ZNF584: variants seen among roughly 807,000 people sequenced by gnomAD.
ZNF584 encodes zinc finger protein 584.
A neutral mutation model predicts 14.7 loss-of-function variants in ZNF584; 12 were observed. That is an observed-to-expected ratio of 0.82 (90% CI 0.52 to 1.32). The LOEUF is 1.32. ZNF584 is among the 40% of genes most tolerant of loss of function. The pLI, the probability that ZNF584 is intolerant of heterozygous loss-of-function variation, is 0.00. For missense variants in ZNF584, 478 were observed against 518.8 expected (o/e 0.92, Z 0.76); for synonymous variants, 204 against 190.9 (o/e 1.07, Z -0.57).
Position 58,415,635 on chromosome 19 carries a change from G to A in ZNF584, c.281G>A (p.Gly94Asp), listed in dbSNP as rs747785210. 2.5e-6 allele frequency: 4 copies of A among 1,613,884 alleles called. No individual in the cohort carries two copies. The highest frequency in any genetic ancestry group is 2.7e-5 in the African/African-American group (2 of 74,940). The change falls in exon 3 of 4, where the codon GGT (glycine) becomes GAT (aspartate). Residue 94 changes from glycine to aspartate, a missense_variant. Physicochemically the swap from Gly to Asp is moderately conservative, Grantham distance 94 (BLOSUM62 -1). Coordinates refer to ENST00000306910, the MANE Select transcript of ZNF584 (RefSeq NM_173548.3). The part of the protein sequence containing the change: ...TPVSRAEARR[G>D]FGLDGLCRVE... ...GTCAGCAGAGCAGAAGCCAGGAGAG[G>A]TTTTGGTCTTGGTAAGTGGAGTGGA...
chr19:58,416,173 C>A, intron 3 of ZNF584: 1 of 465,332 alleles, frequency 2.1e-6, no homozygotes, highest in Non-Finnish European at 3.9e-6. Flanking sequence ...AGTCTGTAGT[C>A]TGGTGGAGCC....
upstream of ZNF584, chr19:58,405,262 G>T (rs1456669753): frequency 9.6e-6 from 1 of 103,810 alleles, no homozygotes; most frequent in East Asian, 2.6e-4. Flanking sequence ...CTGGCCGGGC[G>T]GGGGGCTGAC....
intron 2 of ZNF584, among the ~76,000 whole-genome samples, chr19:58,412,766 C>T (rs1053085199): frequency 3.3e-5 from 5 of 152,094 alleles, no homozygotes; most frequent in Admixed American, 6.6e-5. Flanking sequence ...CCTTTGAAGC[C>T]ATCAGGGCTT....
Position 58,409,020 on chromosome 19 carries a change from C to T in ZNF584, c.-128C>T. 4 of 1,228,956 alleles carry T rather than the reference C, an allele frequency of 3.3e-6. No individual in the cohort carries two copies. Among genetic ancestry groups the T allele is most frequent in the Admixed American group, 3.2e-5 (1 of 31,298 alleles). 76.1% of individuals were successfully genotyped at this position (1,228,956 alleles called of 1,614,324 possible). A position where few individuals can be genotyped will look rare whatever the true frequency, so the allele number is the denominator to read the frequency against. ...GCTCCGGGAAGCGGTTCCCTGTCTT[C>T]GGACGCATTTCACCCGCGCGGGGAG... On this transcript the variant is annotated 5_prime_UTR_variant, in exon 1 of 4. Transcript: ENST00000306910.
In ZNF584 at chr19:58,417,257, T is replaced by C; in HGVS notation, c.739T>C (p.Cys247Arg). 6 of 1,614,146 alleles carry C rather than the reference T, an allele frequency of 3.7e-6. No individual in the cohort carries two copies. The highest frequency in any genetic ancestry group is 5.1e-6 in the Non-Finnish European group (6 of 1,180,032). ...TGIKPFKCSD[C>R]GKTFNRKDAL... ...CATAAAACCTTTTAAGTGTAGTGACTGTGGTAAAACCTTCAACCGCAAAGA... is the reference window on the plus strand; with the variant it reads ...CATAAAACCTTTTAAGTGTAGTGACCGTGGTAAAACCTTCAACCGCAAAGA... Residue 247 changes from cysteine (C) to arginine (R), a missense_variant, in exon 4 of 4, where the codon TGT (cysteine) becomes CGT (arginine). Cys to Arg is a radical substitution (Grantham distance 180). Transcript: ENST00000306910.
intron 2 of ZNF584, among the ~76,000 whole-genome samples, chr19:58,410,948 T>C (rs2052563020): frequency 6.7e-6 from 1 of 150,190 alleles, no homozygotes. Context: ...CGCGCCACCA[T>C]GCCTGGCTAA....
chr19:58,410,151 G>T (rs111924630), intron 2 of ZNF584, 60 bp downstream of exon 2: 1 of 1,541,908 alleles, frequency 6.5e-7, no homozygotes, highest in African/African-American at 1.4e-5. Flanking sequence ...CCCATGCGAA[G>T]TTCTGTCCAT....
intron 2 of ZNF584, among the ~76,000 whole-genome samples, chr19:58,411,802 C>T (rs1487143509): frequency 1.3e-5 from 2 of 151,030 alleles, no homozygotes; most frequent in Non-Finnish European, 2.9e-5. Flanking sequence ...CACCACCACG[C>T]CCAGCTAATT....
In ZNF584 at chr19:58,410,693, G is replaced by GTA. The variant is rs1200514139; in HGVS notation, c.169+612_169+613dup. Among the ~76,000 whole-genome samples the GTA allele has an allele frequency of 2.4e-4, 10 of 41,890 alleles. 3 individuals carry two copies. The highest frequency in any genetic ancestry group is 1.3e-3 in the East Asian group (3 of 2,380). The allele number at this position is 41,890 out of a possible 152,430, so 27.5% of individuals were successfully genotyped here. A position where few individuals can be genotyped will look rare whatever the true frequency, so the allele number is the denominator to read the frequency against. ...TATATGTGTATATATATGTATATATGTATATATATATGTATATATGTGTAT... is the reference window on the plus strand; with the variant it reads ...TATATGTGTATATATATGTATATATGTATATATATATATGTATATATGTGTAT... On this transcript the variant is annotated intron_variant, in intron 2 of 3. Coordinates refer to ENST00000306910, the MANE Select transcript of ZNF584 (RefSeq NM_173548.3).
Position 58,409,060 on chromosome 19 carries a change from G to T in ZNF584, c.-88G>T. 6.9e-7 allele frequency: 1 copy of T among 1,444,090 alleles called. No individual in the cohort carries two copies. The highest frequency in any genetic ancestry group is 9.2e-7 in the Non-Finnish European group (1 of 1,086,766). 89.5% of individuals were successfully genotyped at this position (1,444,090 alleles called of 1,614,324 possible). A position where few individuals can be genotyped will look rare whatever the true frequency, so the allele number is the denominator to read the frequency against. ...CGCGCGGGGAGAGCTTCCCGGGAAGGTTCCACGGCGGCCGAGGGTTTCCGC... is the reference window on the plus strand; with the variant it reads ...CGCGCGGGGAGAGCTTCCCGGGAAGTTTCCACGGCGGCCGAGGGTTTCCGC... On this transcript the variant is annotated 5_prime_UTR_variant, in exon 1 of 4. Transcript: ENST00000306910.
intron 2 of ZNF584, among the ~76,000 whole-genome samples, chr19:58,410,583 G>A (rs866845652): frequency 1.5e-3 from 41 of 26,660 alleles, no homozygotes; most frequent in Middle Eastern, 0.011. Flanking sequence ...GTATATATAT[G>A]TATATATATG....
intron 2 of ZNF584, among the ~76,000 whole-genome samples, chr19:58,412,587 A>G (rs2052590932): frequency 6.6e-6 from 1 of 152,188 alleles, no homozygotes; most frequent in African/African-American, 2.4e-5. Flanking sequence ...TACAGGTGTG[A>G]GCCACCACAC....
At chr19:58,410,391 G>A (rs1013283364) in intron 2 of ZNF584, among the ~76,000 whole-genome samples, 2 of 150,882 alleles carry the variant, frequency 1.3e-5, no homozygotes, top group Admixed American at 6.7e-5. Context: ...GCCTTTTCCT[G>A]GCCATGTGAC....
chr19:58,410,019 C>T lies in ZNF584; in HGVS notation c.97C>T (p.Leu33Phe), dbSNP rs577879964. Reference sequence around the variant, plus strand: ...ATATTTCTCCAGGGAGGAGTGGGGGCTCCTTAATGTGACCCAGAAGGGCCT... The same window carrying T: ...ATATTTCTCCAGGGAGGAGTGGGGGTTCCTTAATGTGACCCAGAAGGGCCT... ...TVYFSREEWGLLNVTQKGLYR... is the reference protein window; with the variant it reads ...TVYFSREEWGFLNVTQKGLYR... Residue 33 changes from leucine to phenylalanine, a missense_variant, in exon 2 of 4, where the codon CTC becomes TTC. Physicochemically the swap from Leu to Phe is conservative, Grantham distance 22 (BLOSUM62 0). Coordinates refer to ENST00000306910, the MANE Select transcript of ZNF584 (RefSeq NM_173548.3). The T allele has an allele frequency of 9.3e-6, 15 of 1,613,934 alleles. No homozygotes were observed. Among genetic ancestry groups the T allele is most frequent in the African/African-American group, 2.7e-5 (2 of 74,956 alleles).
At chr19:58,402,224 C>T (rs1370925939) in intron 1 of ZNF584, among the ~76,000 whole-genome samples, 1 of 151,982 alleles carries the variant, frequency 6.6e-6, no homozygotes, top group East Asian at 1.9e-4. Flanking sequence ...GCACTGGCTC[C>T]CCTGGGGCCC....
chr19:58,415,621 A>G lies in ZNF584; in HGVS notation c.267A>G (p.Ala89=), dbSNP rs754803946. 3.8e-5 allele frequency: 62 copies of G among 1,614,112 alleles called. No individual in the cohort carries two copies. Among genetic ancestry groups the G allele is most frequent in the Non-Finnish European group, 5.2e-5 (61 of 1,179,974 alleles). ...SWVDVTPVSR[A]EARRGFGLDG... is the part of the protein sequence containing the mutation. ...TGGATGTGACTCCAGTCAGCAGAGCAGAAGCCAGGAGAGGTTTTGGTCTTG... is the reference window on the plus strand; with the variant it reads ...TGGATGTGACTCCAGTCAGCAGAGCGGAAGCCAGGAGAGGTTTTGGTCTTG... Residue 89 remains alanine (A), a synonymous_variant, in exon 3 of 4, where the codon GCA becomes GCG. Transcript: ENST00000306910.
chr19:58,407,453 C>A (rs771363891), upstream of ZNF584, among the ~76,000 whole-genome samples: 4 of 152,210 alleles, frequency 2.6e-5, no homozygotes, highest in Non-Finnish European at 5.9e-5. Context: ...TGTGAAGATT[C>A]AGAGACTTCT....
chr19:58,402,824 C>CAAAAAAAAAAAAAA (rs35168811), intron 1 of ZNF584, among the ~76,000 whole-genome samples: 1 of 47,482 alleles, frequency 2.1e-5, no homozygotes, highest in Non-Finnish European at 3.6e-5. Context: ...AACTGCGTCT[C>CAAAAAAAAAAAAAA]AAAAAAAAAA....
chr19:58,410,941 G>A (rs1162061271), intron 2 of ZNF584, among the ~76,000 whole-genome samples: 4 of 149,846 alleles, frequency 2.7e-5, no homozygotes, highest in African/African-American at 9.8e-5. Context: ...ACAGGCTCGC[G>A]CCACCATGCC....
Sources: gnomAD v4.1 joint callset for allele counts (sites outside exome capture counted in the v4.1 genomes callset) on GRCh38, gnomAD v4.1.1 for gene constraint, MANE v1.5 for transcripts, NCBI Gene and HGNC (gene_info 2026-07-23, HGNC 2026-07-21) for gene names.